HADHA: variants seen among roughly 807,000 people sequenced by gnomAD.
The protein encoded by HADHA is trifunctional enzyme subunit alpha, mitochondrial.
A neutral mutation model predicts 91.3 loss-of-function variants in HADHA; 59 were observed. The ratio of observed to expected loss-of-function variants is 0.65; its 90% CI spans 0.52 to 0.80. The LOEUF (loss-of-function observed/expected upper bound fraction) is 0.80. Ranked by LOEUF, HADHA falls within the 30% of genes least tolerant of loss-of-function variation. The pLI, the probability that HADHA is intolerant of heterozygous loss-of-function variation, is 0.00. For synonymous variants in HADHA, 320 were observed against 338.9 expected, an observed-to-expected ratio of 0.94 and a Z score of 0.61; for missense variants, 800 against 927.6, an observed-to-expected ratio of 0.86 and a Z score of 1.79.
chr2:26,203,637 A>G (rs1245222190), intron 12 of HADHA, among the ~76,000 whole-genome samples: 2 of 152,214 alleles, frequency 1.3e-5, no homozygotes, highest in Non-Finnish European at 2.9e-5. Flanking sequence ...CCATTTCCTT[A>G]CATCCTAACC....
chr2:26,192,397 A>T lies in HADHA; in HGVS notation c.1913T>A (p.Ile638Asn). Residue 638 changes from isoleucine (I) to asparagine (N), a missense_variant, in exon 18 of 20, where the codon ATC becomes AAC. Physicochemically the swap from Ile to Asn is moderately radical, Grantham distance 149. Transcript: ENST00000380649. Reference protein sequence around the residue: ...LGRKSGKGFYIYQEGVKRKDL... With the variant: ...LGRKSGKGFYNYQEGVKRKDL... ...CTTCCTCTTCACACCCTCCTGATAG[A>T]TGTAAAAGCCCTTCCCAGATTTACG... 1 of 1,602,598 alleles carries T rather than the reference A, an allele frequency of 6.2e-7. No individual in the cohort carries two copies. Among genetic ancestry groups the T allele is most frequent in the Non-Finnish European group, 8.6e-7 (1 of 1,169,506 alleles).
At chr2:26,242,953 G>GTGTTAGCCAGGA (rs1424367810) in intron 1 of HADHA, among the ~76,000 whole-genome samples, 1 of 152,174 alleles carries the variant, frequency 6.6e-6, no homozygotes, top group Non-Finnish European at 1.5e-5. Flanking sequence ...GGGTTTCACC[G>GTGTTAGCCAGGA]TGTTAGCCAG....
At position 26,193,679 on chromosome 2, in the gene HADHA, C is replaced by T. The variant is rs561523435; in HGVS notation, c.1783G>A (p.Val595Ile). 2 of 1,614,076 alleles carry T rather than the reference C, an allele frequency of 1.2e-6. No individual in the cohort carries two copies. The highest frequency in any genetic ancestry group is 1.1e-5 in the South Asian group (1 of 91,080). Reference sequence around the variant, plus strand: ...AGATCTTCCGCCACATGTTTCGCTACATCCACACCAACTTCATCCACCAGT... The same window carrying T: ...AGATCTTCCGCCACATGTTTCGCTATATCCACACCAACTTCATCCACCAGT... ...ATLVDEVGVD[V>I]AKHVAEDLGK... is the part of the protein sequence containing the mutation. The change falls in exon 17 of 20, where the codon GTA becomes ATA. Residue 595 changes from valine to isoleucine, a missense_variant. Coordinates refer to ENST00000380649, the MANE Select transcript of HADHA (RefSeq NM_000182.5).
intron 7 of HADHA, among the ~76,000 whole-genome samples, chr2:26,223,062 G>C (rs1350307276): frequency 1.3e-5 from 2 of 152,122 alleles, no homozygotes; most frequent in Non-Finnish European, 2.9e-5. Flanking sequence ...TCTGCTTCTT[G>C]TCCCTGCAAC....
At position 26,221,261 on chromosome 2, in the gene HADHA, C is replaced by G. The variant is rs1278674044; in HGVS notation, c.677-6086G>C. 6.6e-6 allele frequency among the ~76,000 whole-genome samples: 1 copy of G among 152,150 alleles called. No homozygotes were observed. The highest frequency in any genetic ancestry group is 1.5e-5 in the Non-Finnish European group (1 of 68,024). On this transcript the variant is annotated intron_variant, in intron 7 of 19. Transcript: ENST00000380649. The surrounding 1 kb of genome is among the most constrained non-coding windows in gnomAD (Gnocchi z 4.8). Reference sequence around the variant, plus strand: ...TCAAACCTGATGGCGCCTGAAGTGTCGGCAGCAGACAGAGGTGCTGTCTGG... The same window carrying G: ...TCAAACCTGATGGCGCCTGAAGTGTGGGCAGCAGACAGAGGTGCTGTCTGG...
At chr2:26,204,262 T>A in intron 11 of HADHA, 66 bp from the exon 12 acceptor site, 1 of 1,447,712 alleles carries the variant, frequency 6.9e-7, no homozygotes, top group South Asian at 1.1e-5. Flanking sequence ...AAGTGGAAGA[T>A]TGCCTAAGTT....
At chr2:26,213,273 C>A (rs2147768899) in intron 9 of HADHA, among the ~76,000 whole-genome samples, 2 of 152,278 alleles carry the variant, frequency 1.3e-5, no homozygotes, top group South Asian at 4.1e-4. Flanking sequence ...TATCTCAGGG[C>A]CTTATTCAAA....
At chr2:26,207,133 G>A (rs1432678684) in intron 11 of HADHA, among the ~76,000 whole-genome samples, 4 of 152,110 alleles carry the variant, frequency 2.6e-5, no homozygotes, top group Non-Finnish European at 5.9e-5. Flanking sequence ...AGGAGTTTAA[G>A]GTTATGGTGA....
chr2:26,209,000 TC>T (rs1670029969), intron 11 of HADHA, among the ~76,000 whole-genome samples: 1 of 152,162 alleles, frequency 6.6e-6, no homozygotes, highest in African/African-American at 2.4e-5. Context: ...TTCTCTTAAA[TC>T]CCCCACAGCA....
chr2:26,220,070 C>T (rs569855618), intron 7 of HADHA, among the ~76,000 whole-genome samples: 2 of 152,258 alleles, frequency 1.3e-5, no homozygotes, highest in South Asian at 4.1e-4. Flanking sequence ...GAAGGGGAAA[C>T]AATGATTTTT....
chr2:26,211,397 A>G (rs1337427892), intron 10 of HADHA, among the ~76,000 whole-genome samples: 1 of 152,120 alleles, frequency 6.6e-6, no homozygotes, highest in African/African-American at 2.4e-5. Flanking sequence ...AAAATCCAAA[A>G]TGCTCCAAAA....
chr2:26,243,659 A>G (rs1260277738), intron 1 of HADHA, among the ~76,000 whole-genome samples: 1 of 152,230 alleles, frequency 6.6e-6, no homozygotes, highest in Non-Finnish European at 1.5e-5. Context: ...AATTAAATTA[A>G]AAGTTAAAAT....
intron 7 of HADHA, among the ~76,000 whole-genome samples, chr2:26,223,324 G>C (rs1230705693): frequency 2.0e-5 from 3 of 152,154 alleles, no homozygotes; most frequent in South Asian, 2.1e-4. Context: ...AAATGTGGCA[G>C]ATCTCTTAGG....
At chr2:26,200,785 T>G (rs1434085863) in intron 13 of HADHA, among the ~76,000 whole-genome samples, 1 of 151,016 alleles carries the variant, frequency 6.6e-6, no homozygotes, top group Non-Finnish European at 1.5e-5. Context: ...CAGACTGGAG[T>G]GCAGTGGCGT....
In HADHA at chr2:26,239,139, A is replaced by G; in HGVS notation, c.72T>C (p.Tyr24=). 6.3e-7 allele frequency: 1 copy of G among 1,599,646 alleles called. No homozygotes were observed. Among genetic ancestry groups the G allele is most frequent in the Non-Finnish European group, 8.6e-7 (1 of 1,166,998 alleles). The change falls in exon 2 of 20, where the codon TAT becomes TAC. Residue 24 remains tyrosine (Y), a synonymous_variant. Transcript: ENST00000380649. ...AAGACCCTGTAAAATTGCGGCATATATAACCTGTAAGAAAAGACATTTCAA... is the reference window on the plus strand; with the variant it reads ...AAGACCCTGTAAAATTGCGGCATATGTAACCTGTAAGAAAAGACATTTCAA... ...SAFRILRSRG[Y]ICRNFTGSSA... is the part of the protein sequence containing the mutation.
rs10432689 is a variant in HADHA, at chr2:26,226,572, T to C, written c.676+3620A>G. On this transcript the variant is annotated intron_variant, in intron 7 of 19. Coordinates refer to ENST00000380649, the MANE Select transcript of HADHA (RefSeq NM_000182.5). Reference sequence around the variant, plus strand: ...GGATCAAAGTAGTTCACTGAGGAAATAGTAGTCTTCTCAACAAATGGTGCC... The same window carrying C: ...GGATCAAAGTAGTTCACTGAGGAAACAGTAGTCTTCTCAACAAATGGTGCC... Among the ~76,000 whole-genome samples the C allele has an allele frequency of 3.9e-3, 600 of 152,234 alleles. 26 individuals carry two copies. In the East Asian group the frequency reaches 0.098, roughly 25 times the overall value.
Position 26,214,964 on chromosome 2 carries a change from T to A in HADHA, c.799+89A>T, listed in dbSNP as rs1018830538. 3 of 1,180,676 alleles carry A rather than the reference T, an allele frequency of 2.5e-6. No homozygotes were observed. Among genetic ancestry groups the A allele is most frequent in the Non-Finnish European group, 3.8e-6 (3 of 789,656 alleles). 73.1% of individuals were successfully genotyped at this position (1,180,676 alleles called of 1,614,324 possible). On this transcript the variant is annotated intron_variant, in intron 8 of 19. Coordinates refer to ENST00000380649, the MANE Select transcript of HADHA (RefSeq NM_000182.5). The surrounding 1 kb of genome is among the most constrained non-coding windows in gnomAD (Gnocchi z 4.1). ...TTTATGCTTTGAGTAAATAATGCATTTACCACTTCCTCATTTTGAATCTAC... is the reference window on the plus strand; with the variant it reads ...TTTATGCTTTGAGTAAATAATGCATATACCACTTCCTCATTTTGAATCTAC...
intron 1 of HADHA, among the ~76,000 whole-genome samples, chr2:26,240,882 T>C (rs987361170): frequency 6.6e-6 from 1 of 152,140 alleles, no homozygotes; most frequent in Non-Finnish European, 1.5e-5. Context: ...GCCCACACAC[T>C]CATACACAAA....
chr2:26,214,994 A>T lies in HADHA; in HGVS notation c.799+59T>A, dbSNP rs1365509340. ...ACTTCCTCATTTTGAATCTACAGCA[A>T]ATAAAATTAAATTCTCAGGAAAGAA... On this transcript the variant is annotated intron_variant, in intron 8 of 19. Coordinates refer to ENST00000380649, the MANE Select transcript of HADHA (RefSeq NM_000182.5). The surrounding 1 kb of genome is among the most constrained non-coding windows in gnomAD (Gnocchi z 4.1). The T allele has an allele frequency of 2.7e-6, 4 of 1,457,896 alleles. No homozygotes were observed. The Admixed American group carries it at 5.0e-5, about 18-fold the overall frequency. 90.3% of individuals were successfully genotyped at this position (1,457,896 alleles called of 1,614,324 possible).
Sources: gnomAD v4.1 joint callset for allele counts (sites outside exome capture counted in the v4.1 genomes callset) on GRCh38, gnomAD v4.1.1 for gene constraint, Gnocchi (gnomAD v3.1) non-coding constraint, MANE v1.5 for transcripts, NCBI Gene and HGNC (gene_info 2026-07-23, HGNC 2026-07-21) for gene names.